Variants in ZFAT observed in about 807,000 individuals in gnomAD.
ZFAT encodes the protein zinc finger protein ZFAT.
Under a neutral mutation model 117.7 loss-of-function variants are expected in ZFAT, and 64 were observed. The observed-to-expected ratio is 0.54, with a 90% confidence interval of 0.44 to 0.67. The LOEUF is 0.67. Among genes scored for constraint, ZFAT ranks in the 30% least tolerant of loss-of-function variants. The pLI, the probability that ZFAT is intolerant of heterozygous loss-of-function variation, is 0.00. For missense variants in ZFAT, 1,433 were observed against 1,584.5 expected (o/e 0.90, Z 1.62); for synonymous variants, 679 against 615.0 (o/e 1.10, Z -1.54).
At chr8:134,828,583 T>C in the ZFAT span, among the ~76,000 whole-genome samples, 1 of 152,224 alleles carries the variant, frequency 6.6e-6, no homozygotes, top group Admixed American at 6.5e-5. Flanking sequence ...TAGTTATCCT[T>C]AATAAAGTTT....
chr8:134,818,713 G>A, the ZFAT span, among the ~76,000 whole-genome samples: 1 of 152,166 alleles, frequency 6.6e-6, no homozygotes, highest in Non-Finnish European at 1.5e-5. Flanking sequence ...ATCAAAAGGT[G>A]AATGGATACA....
the ZFAT span, among the ~76,000 whole-genome samples, chr8:134,776,374 G>C: frequency 1.3e-5 from 2 of 152,164 alleles, no homozygotes; most frequent in Non-Finnish European, 2.9e-5. Context: ...CACAGTCATG[G>C]CTCACTGCTG....
chr8:134,596,263 G>T (rs886634500), intron 7 of ZFAT, among the ~76,000 whole-genome samples: 1 of 152,204 alleles, frequency 6.6e-6, no homozygotes, highest in Non-Finnish European at 1.5e-5. Context: ...AAGCAGGGAA[G>T]TATTTTTCAC....
At chr8:134,816,800 G>A in the ZFAT span, among the ~76,000 whole-genome samples, 1 of 152,000 alleles carries the variant, frequency 6.6e-6, no homozygotes, top group Non-Finnish European at 1.5e-5. Context: ...GGCCAATATG[G>A]TGGAACCCAG....
rs75573428 is a variant in ZFAT, at chr8:134,496,444, G to A, written c.3492+13175C>T. The stretch of plus-strand genomic sequence containing the variant: ...AGATAACCCGTTGTGCTGTCCATCC[G>A]GGGCAGGGGAGCTCTGTCCCAGAGG... On this transcript the variant is annotated intron_variant, in intron 15 of 15. Coordinates refer to ENST00000377838, the MANE Select transcript of ZFAT (RefSeq NM_020863.4). Among the ~76,000 whole-genome samples, 799 of 152,282 alleles carry A rather than the reference G, an allele frequency of 5.2e-3. 4 individuals are homozygous for A. The highest frequency in any genetic ancestry group is 0.018 in the African/African-American group (761 of 41,552).
chr8:134,602,164 C>G lies in ZFAT; in HGVS notation c.1555G>C (p.Val519Leu). The G allele has an allele frequency of 6.2e-7, 1 of 1,613,456 alleles. No homozygotes were observed. The highest frequency in any genetic ancestry group is 8.5e-7 in the Non-Finnish European group (1 of 1,179,982). The change falls in exon 6 of 16, where the codon GTG becomes CTG. Residue 519 changes from valine (V) to leucine (L), a missense_variant. Transcript: ENST00000377838. ...QEALGDQLQLVEEEFALQGVN... is the reference protein window; with the variant it reads ...QEALGDQLQLLEEEFALQGVN... ...CCCTGGAGGGCAAACTCCTCTTCCA[C>G]CAGCTGTAGCTGGTCCCCCAGAGCT...
At chr8:134,516,607 G>A (rs1820272085) in intron 13 of ZFAT, among the ~76,000 whole-genome samples, 1 of 152,102 alleles carries the variant, frequency 6.6e-6, no homozygotes, top group African/African-American at 2.4e-5. Flanking sequence ...AGCCAGGGTG[G>A]GAAGATTGCT....
chr8:134,638,552 A>G (rs1830377832), intron 2 of ZFAT, among the ~76,000 whole-genome samples: 1 of 25,080 alleles, frequency 4.0e-5, no homozygotes, highest in Non-Finnish European at 7.1e-5. Context: ...AAAAATACAA[A>G]AAAAAAACAA....
the ZFAT span, among the ~76,000 whole-genome samples, chr8:134,718,689 C>T: frequency 3.3e-5 from 5 of 151,922 alleles, no homozygotes; most frequent in Admixed American, 6.6e-5. Context: ...CCCAATAAAC[C>T]GTTGTTGAAG....
In ZFAT at chr8:134,547,930, C is replaced by A. The variant is rs73363356; in HGVS notation, c.2977-14958G>T. ...TACACATGTTTTATCTTGTATTAAC[C>A]TAAAGAGGCCTCTGGCAACTGTGAG... is the stretch of plus-strand genomic sequence containing the variant. On this transcript the variant is annotated intron_variant, in intron 11 of 15. Transcript: ENST00000377838. 7.2e-3 allele frequency among the ~76,000 whole-genome samples: 1,102 copies of A among 152,238 alleles called. 13 individuals are homozygous for A. The highest frequency in any genetic ancestry group is 0.025 in the African/African-American group (1,039 of 41,530).
intron 15 of ZFAT, among the ~76,000 whole-genome samples, chr8:134,501,112 T>C (rs1193147303): frequency 6.6e-6 from 1 of 152,080 alleles, no homozygotes; most frequent in Non-Finnish European, 1.5e-5. Context: ...TTTACAAAGA[T>C]CAAAAGGACT....
At chr8:134,595,242 G>A (rs7829476) in intron 7 of ZFAT, among the ~76,000 whole-genome samples, 25,892 of 152,158 alleles carry the variant, frequency 0.17, 2,406 homozygotes, top group Non-Finnish European at 0.22. Flanking sequence ...CTTGGTAGAG[G>A]TGAATAATGC....
intron 4 of ZFAT, among the ~76,000 whole-genome samples, chr8:134,610,106 C>T (rs1464760820): frequency 1.3e-5 from 2 of 152,198 alleles, no homozygotes; most frequent in African/African-American, 4.8e-5. Flanking sequence ...GCTGGCCTCA[C>T]ATGCAGGACA....
At chr8:134,553,082 G>T (rs1256264944) in intron 11 of ZFAT, among the ~76,000 whole-genome samples, 1 of 152,246 alleles carries the variant, frequency 6.6e-6, no homozygotes, top group Non-Finnish European at 1.5e-5. Flanking sequence ...AGGCCCTTCT[G>T]CAGGAGAATC....
the ZFAT span, among the ~76,000 whole-genome samples, chr8:134,760,041 G>A: frequency 6.7e-6 from 1 of 149,872 alleles, no homozygotes; most frequent in Non-Finnish European, 1.5e-5. Context: ...AGCACTTTGG[G>A]AGGCCAAGGC....
chr8:134,671,101 G>T (rs911654616), intron 1 of ZFAT, among the ~76,000 whole-genome samples: 12 of 152,236 alleles, frequency 7.9e-5, no homozygotes, highest in Middle Eastern at 3.4e-3. Flanking sequence ...TGAAATTGAG[G>T]CAATAATTAA....
At chr8:134,753,568 A>T in the ZFAT span, among the ~76,000 whole-genome samples, 1 of 152,236 alleles carries the variant, frequency 6.6e-6, no homozygotes, top group Admixed American at 6.5e-5. Context: ...TATTTATTAC[A>T]TTATTTATGA....
intron 13 of ZFAT, among the ~76,000 whole-genome samples, chr8:134,513,260 C>T (rs911169125): frequency 6.6e-6 from 1 of 150,552 alleles, no homozygotes; most frequent in African/African-American, 2.5e-5. Context: ...CGCGGTGGCG[C>T]GATCTCAGCT....
intron 8 of ZFAT, among the ~76,000 whole-genome samples, chr8:134,589,597 T>C (rs972601146): frequency 3.3e-5 from 5 of 151,894 alleles, no homozygotes; most frequent in African/African-American, 1.2e-4. Context: ...CCCATGGGAG[T>C]TGCTGGAGAG....
Sources: allele counts gnomAD v4.1 joint callset (sites outside exome capture counted in the v4.1 genomes callset), GRCh38; gene constraint gnomAD v4.1.1; transcripts MANE v1.5; gene names NCBI Gene and HGNC (gene_info 2026-07-23, HGNC 2026-07-21).